C20orf203: variants seen among roughly 807,000 people sequenced by gnomAD.
The protein encoded by C20orf203 is chromosome 20 open reading frame 203, also known as uncharacterized protein C20orf203.
A neutral mutation model predicts 15.9 loss-of-function variants in C20orf203; 16 were observed. That is an observed-to-expected ratio of 1.01 (90% CI 0.68 to 1.53). C20orf203 has a LOEUF of 1.53. Among genes scored for constraint, C20orf203 ranks in the 40% most tolerant of loss-of-function variants. The pLI is 0.00. For missense variants in C20orf203, 263 were observed against 247.5 expected, an observed-to-expected ratio of 1.06 and a Z score of -0.42; for synonymous variants, 98 against 97.2, an observed-to-expected ratio of 1.01 and a Z score of -0.05.
chr20:32,634,004 C>G lies in C20orf203; in HGVS notation c.*1566G>C. 1 of 398,670 alleles carries G rather than the reference C, an allele frequency of 2.5e-6. No individual in the cohort carries two copies. Among genetic ancestry groups the G allele is most frequent in the Middle Eastern group, 6.3e-4 (1 of 1,590 alleles). 24.7% of individuals were successfully genotyped at this position (398,670 alleles called of 1,614,324 possible). On this transcript the variant is annotated 3_prime_UTR_variant, in exon 6 of 6. Transcript: ENST00000608990. ...CATTCATGTGTCCAACTCTTCACTC[C>G]TTTCCTCAACAAACATTGACTGAAA...
chr20:32,647,464 G>C (rs572790156), intron 4 of C20orf203, among the ~76,000 whole-genome samples: 1 of 152,174 alleles, frequency 6.6e-6, no homozygotes, highest in East Asian at 1.9e-4. Context: ...AGCACTTTGG[G>C]AGGCTAAGGT....
rs1183445473 is a variant in C20orf203, at chr20:32,651,764, T to A, written c.-46A>T. On this transcript the variant is annotated 5_prime_UTR_variant, in exon 2 of 6. The change creates a premature stop within an existing upstream ORF in the 5' untranslated region. Transcript: ENST00000608990. ...ATGTGGCAGCTGCAGTCTGGCACTC[T>A]GAGGAGGAGGATTAGAGAGCTTAAG... The A allele has an allele frequency of 6.6e-6, 1 of 152,222 alleles. No individual in the cohort carries two copies. Among genetic ancestry groups the A allele is most frequent in the East Asian group, 1.9e-4 (1 of 5,194 alleles). 9.4% of individuals were successfully genotyped at this position (152,222 alleles called of 1,614,324 possible).
chr20:32,644,267 G>A lies in C20orf203; in HGVS notation c.*1178-3580C>T, dbSNP rs988003271. On this transcript the variant is annotated intron_variant, in intron 4 of 5. Coordinates refer to ENST00000608990, the MANE Select transcript of C20orf203 (RefSeq NM_182584.4). ...GTTCAAGACCAGCCTGGGCAACACG[G>A]TGAAACCCTGTCTCTACTAAAATAC... 3.3e-5 allele frequency among the ~76,000 whole-genome samples: 5 copies of A among 152,138 alleles called. No individual in the cohort carries two copies. In the East Asian group the frequency reaches 9.6e-4, roughly 29 times the overall value.
At chr20:32,643,747 T>G (rs184390200) in intron 4 of C20orf203, among the ~76,000 whole-genome samples, 1 of 152,180 alleles carries the variant, frequency 6.6e-6, no homozygotes. Context: ...TATTTGACGA[T>G]GAACACCCTT....
intron 1 of C20orf203, among the ~76,000 whole-genome samples, 188 bp downstream of exon 1, chr20:32,673,444 T>C (rs1055399364): frequency 6.6e-6 from 1 of 152,086 alleles, no homozygotes; most frequent in Non-Finnish European, 1.5e-5. Flanking sequence ...TCGGGGAGCC[T>C]CACCGCAGCC....
chr20:32,650,325 G>C lies in C20orf203; in HGVS notation c.*107C>G. ...GCGTGCCGGGCCCATCCCCCACTCT[G>C]GGGAGCAGAATGATTGTGGGGGGTG... is the stretch of plus-strand genomic sequence containing the variant. On this transcript the variant is annotated 3_prime_UTR_variant, in exon 4 of 6. Transcript: ENST00000608990. 1.2e-6 allele frequency: 1 copy of C among 814,800 alleles called. No homozygotes were observed. The highest frequency in any genetic ancestry group is 2.0e-6 in the Non-Finnish European group (1 of 508,546). 50.5% of individuals were successfully genotyped at this position (814,800 alleles called of 1,614,324 possible).
intron 4 of C20orf203, among the ~76,000 whole-genome samples, 178 bp from the exon 5 acceptor site, chr20:32,640,865 A>G (rs145081538): frequency 1.3e-5 from 2 of 152,268 alleles, no homozygotes; most frequent in African/African-American, 2.4e-5. Flanking sequence ...TCTTCTGGAC[A>G]TTTCATACAA....
rs776874918 is a variant in C20orf203 at position 32,633,726 on chromosome 20, G to A, written c.*1844C>T. ...CGTTTCCCTCTTGTAGAAGGTCCTT[G>A]TCTGTAACCTGGTGGTGCCTCCTGC... On this transcript the variant is annotated 3_prime_UTR_variant, in exon 6 of 6. Coordinates refer to ENST00000608990, the MANE Select transcript of C20orf203 (RefSeq NM_182584.4). 1.6e-5 allele frequency: 5 copies of A among 316,726 alleles called. No homozygotes were observed. The highest frequency in any genetic ancestry group is 2.9e-5 in the Non-Finnish European group (5 of 174,472). The allele number at this position is 316,726 out of a possible 1,614,324, so 19.6% of individuals were successfully genotyped here. A position where few individuals can be genotyped will look rare whatever the true frequency, so the allele number is the denominator to read the frequency against.
At chr20:32,655,020 T>C (rs1404823498) in intron 1 of C20orf203, among the ~76,000 whole-genome samples, 1 of 152,098 alleles carries the variant, frequency 6.6e-6, no homozygotes, top group Non-Finnish European at 1.5e-5. Context: ...TCACATTTGG[T>C]TCAGCCGCAA....
At chr20:32,666,762 CAAAA>C (rs375016307) in intron 1 of C20orf203, among the ~76,000 whole-genome samples, 2 of 61,564 alleles carry the variant, frequency 3.2e-5, no homozygotes, top group Non-Finnish European at 6.7e-5. Context: ...GACTCCATCT[CAAAA>C]AAAAAAAAAA....
chr20:32,655,448 C>G (rs1464596508), intron 1 of C20orf203, among the ~76,000 whole-genome samples: 2 of 151,978 alleles, frequency 1.3e-5, no homozygotes, highest in Non-Finnish European at 2.9e-5. Flanking sequence ...TTCTAACCAG[C>G]ATATATAAAG....
At chr20:32,666,072 G>A (rs1167527806) in intron 1 of C20orf203, among the ~76,000 whole-genome samples, 1 of 150,118 alleles carries the variant, frequency 6.7e-6, no homozygotes, top group Non-Finnish European at 1.5e-5. Context: ...GGCAGAGGTT[G>A]TAGTGAGCTG....
intron 1 of C20orf203, among the ~76,000 whole-genome samples, chr20:32,654,329 T>A (rs953090479): frequency 1.3e-5 from 2 of 152,192 alleles, no homozygotes; most frequent in African/African-American, 4.8e-5. Flanking sequence ...AAACATTGTT[T>A]AAAGAAATTA....
rs1982565896 is a variant in C20orf203 at position 32,650,245 on chromosome 20, T to C, written c.*187A>G. The stretch of plus-strand genomic sequence containing the variant: ...AGCCTCGGTCCCTAATCATGTTTGC[T>C]GAATGCCTTGAATACAAGCGCCGGT... On this transcript the variant is annotated 3_prime_UTR_variant, in exon 4 of 6. Coordinates refer to ENST00000608990, the MANE Select transcript of C20orf203 (RefSeq NM_182584.4). 1.7e-6 allele frequency: 1 copy of C among 595,790 alleles called. No individual in the cohort carries two copies. Among genetic ancestry groups the C allele is most frequent in the Non-Finnish European group, 3.0e-6 (1 of 335,118 alleles). 36.9% of individuals were successfully genotyped at this position (595,790 alleles called of 1,614,324 possible).
chr20:32,643,256 G>T (rs1056399873), intron 4 of C20orf203, among the ~76,000 whole-genome samples: 1 of 152,294 alleles, frequency 6.6e-6, no homozygotes. Context: ...CCTTGGGCAG[G>T]CACTTGGCCT....
intron 1 of C20orf203, among the ~76,000 whole-genome samples, chr20:32,658,724 T>C (rs1982819291): frequency 6.6e-6 from 1 of 152,152 alleles, no homozygotes; most frequent in Non-Finnish European, 1.5e-5. Context: ...GGCCCTGACA[T>C]TGTGTGAGCA....
At chr20:32,642,939 G>T (rs1012167100) in intron 4 of C20orf203, among the ~76,000 whole-genome samples, 12 of 152,122 alleles carry the variant, frequency 7.9e-5, no homozygotes, top group African/African-American at 2.9e-4. Flanking sequence ...AGACCCTAAG[G>T]CTGTGTCTTG....
At chr20:32,635,714 G>A (rs999030616) in intron 5 of C20orf203, among the ~76,000 whole-genome samples, 1 of 152,170 alleles carries the variant, frequency 6.6e-6, no homozygotes, top group African/African-American at 2.4e-5. Flanking sequence ...GGGAGGCTGA[G>A]GTGGGAGGAT....
chr20:32,644,402 C>T (rs1359941047), intron 4 of C20orf203, among the ~76,000 whole-genome samples: 2 of 152,114 alleles, frequency 1.3e-5, no homozygotes, highest in African/African-American at 4.8e-5. Context: ...GAGCTGAGAT[C>T]GTACCACTGC....
Sources: allele counts gnomAD v4.1 joint callset (sites outside exome capture counted in the v4.1 genomes callset), GRCh38; gene constraint gnomAD v4.1.1; transcripts MANE v1.5; gene names NCBI Gene and HGNC (gene_info 2026-07-23, HGNC 2026-07-21).